The following DIS3L2 variants were observed in gnomAD, a reference collection of about 807,000 sequenced individuals.
DIS3L2 encodes DIS3 like 3'-5' exoribonuclease 2.
In DIS3L2, 34 loss-of-function variants were observed where a neutral mutation model predicts 97.5. The observed-to-expected ratio is 0.35, with a 90% CI of 0.27 to 0.46. The LOEUF (loss-of-function observed/expected upper bound fraction) is 0.46, where lower values mean the gene tolerates loss of function less well. Among genes scored for constraint, DIS3L2 ranks in the 20% least tolerant of loss-of-function variants. The pLI, the probability that DIS3L2 is intolerant of heterozygous loss-of-function variation, is 1.00. For synonymous variants in DIS3L2, 435 were observed against 445.2 expected (o/e 0.98, Z 0.29); for missense variants, 1,038 against 1,146.0 (o/e 0.91, Z 1.36).
chr2:232,227,749 C>T (rs1182051048), intron 10 of DIS3L2, among the ~76,000 whole-genome samples: 4 of 152,122 alleles, frequency 2.6e-5, no homozygotes, highest in Non-Finnish European at 4.4e-5. Context: ...AAGCAGTGAG[C>T]TTTTGCCTTT....
intron 6 of DIS3L2, among the ~76,000 whole-genome samples, chr2:232,113,471 G>A (rs1222207237): frequency 6.6e-6 from 1 of 152,216 alleles, no homozygotes; most frequent in African/African-American, 2.4e-5. Flanking sequence ...TTAGACAGTT[G>A]CAAAGTGGTT....
At chr2:232,201,190 G>A (rs1425802855) in intron 9 of DIS3L2, among the ~76,000 whole-genome samples, 2 of 152,170 alleles carry the variant, frequency 1.3e-5, no homozygotes, top group Non-Finnish European at 2.9e-5. Context: ...CTAGCTATTA[G>A]CACCTTAACC....
At chr2:232,043,982 A>G (rs1695173529) in intron 5 of DIS3L2, among the ~76,000 whole-genome samples, 1 of 152,220 alleles carries the variant, frequency 6.6e-6, no homozygotes, top group African/African-American at 2.4e-5. Flanking sequence ...ATTATGTACA[A>G]AGGCATTGGA....
rs80173822 is a variant in DIS3L2, at chr2:232,294,528, C to A, written c.1660-5512C>A. 5.3e-5 allele frequency among the ~76,000 whole-genome samples: 8 copies of A among 152,300 alleles called. No homozygotes were observed. In the East Asian group the frequency reaches 1.4e-3, roughly 26 times the overall value. On this transcript the variant is annotated intron_variant, in intron 13 of 20. Coordinates refer to ENST00000325385, the MANE Select transcript of DIS3L2 (RefSeq NM_152383.5). ...TTCAGTCCTCATGAAGGATCCCCTACCCTTATCCCTACCCAGACCCTTGGC... is the reference window on the plus strand; with the variant it reads ...TTCAGTCCTCATGAAGGATCCCCTAACCTTATCCCTACCCAGACCCTTGGC...
intron 1 of DIS3L2, among the ~76,000 whole-genome samples, chr2:232,007,118 C>T (rs192139145): frequency 1.5e-4 from 23 of 152,276 alleles, no homozygotes; most frequent in African/African-American, 5.1e-4. Flanking sequence ...CAGGTTCTTA[C>T]ATTGGTTGTG....
intron 13 of DIS3L2, among the ~76,000 whole-genome samples, chr2:232,286,257 T>C (rs1694428964): frequency 6.6e-6 from 1 of 152,248 alleles, no homozygotes; most frequent in South Asian, 2.1e-4. Context: ...CGTCACTGGG[T>C]CATAAAATCA....
At chr2:232,101,694 G>T (rs1021086695) in intron 6 of DIS3L2, among the ~76,000 whole-genome samples, 1 of 152,222 alleles carries the variant, frequency 6.6e-6, no homozygotes, top group Non-Finnish European at 1.5e-5. Flanking sequence ...CTAAGCATTG[G>T]TATTTTGAAA....
chr2:232,306,964 G>C (rs867735584), intron 14 of DIS3L2, among the ~76,000 whole-genome samples: 22 of 152,338 alleles, frequency 1.4e-4, no homozygotes, highest in Middle Eastern at 3.4e-3. Context: ...AGAACCCCGT[G>C]CCCACCCATC....
At chr2:232,064,046 T>A (rs887258061) in intron 5 of DIS3L2, among the ~76,000 whole-genome samples, 8 of 152,074 alleles carry the variant, frequency 5.3e-5, no homozygotes, top group Non-Finnish European at 7.4e-5. Context: ...TAAAAAAAAA[T>A]TTATTTGGTT....
chr2:232,337,324 C>G (rs1227528575), downstream of DIS3L2: 1 of 378,646 alleles, frequency 2.6e-6, no homozygotes, highest in African/African-American at 2.2e-5. Context: ...CCTGTGATAC[C>G]CCCTCCCCTC....
intron 8 of DIS3L2, among the ~76,000 whole-genome samples, chr2:232,161,557 A>G (rs1288371338): frequency 2.0e-5 from 3 of 151,824 alleles, no homozygotes; most frequent in African/African-American, 4.8e-5. Flanking sequence ...TGCAACCTCC[A>G]TTTCCTGGAT....
At chr2:232,312,389 A>T (rs889993701) in intron 14 of DIS3L2, among the ~76,000 whole-genome samples, 1 of 152,158 alleles carries the variant, frequency 6.6e-6, no homozygotes, top group East Asian at 1.9e-4. Context: ...TAGCACTGCC[A>T]CCTTTGTCAA....
intron 8 of DIS3L2, among the ~76,000 whole-genome samples, chr2:232,156,496 T>G (rs1035781103): frequency 1.3e-5 from 2 of 150,842 alleles, no homozygotes; most frequent in African/African-American, 4.9e-5. Context: ...AAATGTGGGT[T>G]TTTTTTTTAA....
chr2:232,191,276 C>T (rs1691611793), intron 9 of DIS3L2, among the ~76,000 whole-genome samples: 1 of 152,090 alleles, frequency 6.6e-6, no homozygotes, highest in Non-Finnish European at 1.5e-5. Context: ...TTTTTGGACT[C>T]CTTTTTGGAA....
chr2:232,003,618 T>C (rs530684360), intron 1 of DIS3L2, among the ~76,000 whole-genome samples: 11 of 152,338 alleles, frequency 7.2e-5, no homozygotes, highest in African/African-American at 2.6e-4. Context: ...GTATGGCGTT[T>C]CTTGTAGTAC....
At chr2:232,038,026 A>G (rs557536465) in intron 5 of DIS3L2, among the ~76,000 whole-genome samples, 2 of 152,324 alleles carry the variant, frequency 1.3e-5, no homozygotes, top group Admixed American at 1.3e-4. Flanking sequence ...AATTACAGTG[A>G]ACTTTCCTAG....
chr2:232,198,605 G>T (rs1691817506), intron 9 of DIS3L2: 1 of 152,186 alleles, frequency 6.6e-6, no homozygotes, highest in Non-Finnish European at 1.5e-5. Flanking sequence ...GGCCTGGTGG[G>T]ACTCGGCTGC....
intron 10 of DIS3L2, among the ~76,000 whole-genome samples, chr2:232,225,267 A>G (rs1692614820): frequency 6.6e-6 from 1 of 152,230 alleles, no homozygotes; most frequent in South Asian, 2.1e-4. Flanking sequence ...AAAGGTGTAT[A>G]TATGTACAGG....
chr2:232,206,793 GT>G (rs1409001544), intron 9 of DIS3L2, among the ~76,000 whole-genome samples: 1 of 152,162 alleles, frequency 6.6e-6, no homozygotes, highest in Non-Finnish European at 1.5e-5. Context: ...TAGAGAGTTG[GT>G]TTGAGTCCTT....
Sources: allele counts gnomAD v4.1 joint callset (sites outside exome capture counted in the v4.1 genomes callset), GRCh38; gene constraint gnomAD v4.1.1; transcripts MANE v1.5; gene names NCBI Gene and HGNC (gene_info 2026-07-23, HGNC 2026-07-21).